PELI2: variants seen among roughly 807,000 people sequenced by gnomAD.
PELI2 encodes the protein E3 ubiquitin-protein ligase pellino homolog 2.
Under a neutral mutation model 42.3 loss-of-function variants are expected in PELI2, and 23 were observed. The ratio of observed to expected loss-of-function variants is 0.54; its 90% confidence interval spans 0.39 to 0.77. The LOEUF is 0.77. Among genes scored for constraint, PELI2 ranks in the 30% least tolerant of loss-of-function variants. The pLI, the probability that PELI2 is intolerant of heterozygous loss-of-function variation, is 0.00. For missense variants in PELI2, 463 were observed against 553.2 expected, an observed-to-expected ratio of 0.84 and a Z score of 1.64; for synonymous variants, 245 against 212.2, an observed-to-expected ratio of 1.15 and a Z score of -1.34.
intron 2 of PELI2, among the ~76,000 whole-genome samples, chr14:56,215,947 A>G (rs1461785239): frequency 1.3e-5 from 2 of 152,376 alleles, no homozygotes; most frequent in African/African-American, 2.4e-5. Context: ...GGTGGAATAT[A>G]TATCACATTT....
chr14:56,277,834 CATTTG>C (rs1439762644), intron 2 of PELI2, among the ~76,000 whole-genome samples: 5 of 152,174 alleles, frequency 3.3e-5, no homozygotes, highest in Non-Finnish European at 7.4e-5. Flanking sequence ...TGAGCAACTC[CATTTG>C]AGGGCTGCTC....
At chr14:56,147,367 T>A (rs1196411391) in intron 1 of PELI2, among the ~76,000 whole-genome samples, 1 of 152,210 alleles carries the variant, frequency 6.6e-6, no homozygotes, top group East Asian at 1.9e-4. Context: ...TTACTGAGTT[T>A]ATTGTATTAC....
chr14:56,176,358 T>G (rs2139664386), intron 1 of PELI2, among the ~76,000 whole-genome samples: 1 of 152,232 alleles, frequency 6.6e-6, no homozygotes, highest in African/African-American at 2.4e-5. Context: ...TTCAAGAGGC[T>G]GAAGAAGAGA....
rs533238425 is a variant in PELI2 at position 56,189,549 on chromosome 14, G to T, written c.207+11085G>T. On this transcript the variant is annotated intron_variant, in intron 2 of 5. Coordinates refer to ENST00000267460, the MANE Select transcript of PELI2 (RefSeq NM_021255.3). ...TGCCTCCAGCTAGTGACTCAGGATG[G>T]GAAACACCTGGAACGCATCATATGC... is the stretch of plus-strand genomic sequence containing the variant. Among the ~76,000 whole-genome samples the T allele has an allele frequency of 3.3e-5, 5 of 152,290 alleles. No individual in the cohort carries two copies. The South Asian group carries it at 1.0e-3, about 32-fold the overall frequency.
intron 2 of PELI2, among the ~76,000 whole-genome samples, chr14:56,185,212 C>T (rs922484136): frequency 1.3e-5 from 2 of 152,026 alleles, no homozygotes; most frequent in Non-Finnish European, 2.9e-5. Context: ...TATTACATTT[C>T]CATTAATTTT....
intron 1 of PELI2, among the ~76,000 whole-genome samples, chr14:56,122,947 C>T (rs1484197717): frequency 2.0e-5 from 3 of 152,078 alleles, no homozygotes; most frequent in Admixed American, 6.5e-5. Context: ...GAGAAGGGCT[C>T]ATTACATGTC....
intron 2 of PELI2, among the ~76,000 whole-genome samples, chr14:56,215,050 C>T (rs974519812): frequency 2.0e-5 from 3 of 152,136 alleles, no homozygotes; most frequent in Non-Finnish European, 2.9e-5. Context: ...GTAATAACTG[C>T]TTTTTTTGCT....
intron 5 of PELI2, among the ~76,000 whole-genome samples, chr14:56,295,523 AAAG>A (rs1462351824): frequency 2.6e-5 from 4 of 152,206 alleles, no homozygotes; most frequent in Non-Finnish European, 5.9e-5. Flanking sequence ...AATCTCTGTT[AAAG>A]AAAAACCTTT....
rs1313090783 is a variant in PELI2 at position 56,298,123 on chromosome 14, A to G, written c.*957A>G. On this transcript the variant is annotated 3_prime_UTR_variant, in exon 6 of 6. Coordinates refer to ENST00000267460, the MANE Select transcript of PELI2 (RefSeq NM_021255.3). ...TTGGGGTTTTTTTTTTTCCTTTGTT[A>G]AGAAAGCCAACCAATCACAATGATA... 7.9e-5 allele frequency: 12 copies of G among 151,916 alleles called. No homozygotes were observed. The highest frequency in any genetic ancestry group is 2.9e-4 in the African/African-American group (12 of 41,234). 9.4% of individuals were successfully genotyped at this position (151,916 alleles called of 1,614,324 possible).
intron 2 of PELI2, among the ~76,000 whole-genome samples, chr14:56,233,621 C>G (rs966353102): frequency 6.6e-6 from 1 of 152,130 alleles, no homozygotes; most frequent in South Asian, 2.1e-4. Context: ...GGATTAAAGA[C>G]TTAAACGTAA....
At chr14:56,184,270 A>G (rs1247725856) in intron 2 of PELI2, among the ~76,000 whole-genome samples, 1 of 152,106 alleles carries the variant, frequency 6.6e-6, no homozygotes, top group East Asian at 1.9e-4. Flanking sequence ...AATTATTAAA[A>G]TGGACAGATT....
At chr14:56,191,956 G>A (rs1885962310) in intron 2 of PELI2, among the ~76,000 whole-genome samples, 1 of 152,122 alleles carries the variant, frequency 6.6e-6, no homozygotes, top group African/African-American at 2.4e-5. Flanking sequence ...CCAGGGTCAA[G>A]TGATTCTTCT....
chr14:56,164,815 A>C (rs562660257), intron 1 of PELI2, among the ~76,000 whole-genome samples: 3 of 152,046 alleles, frequency 2.0e-5, no homozygotes, highest in African/African-American at 7.2e-5. Context: ...TTTCTAATTT[A>C]TTGGCATATA....
chr14:56,217,412 C>T (rs925464217), intron 2 of PELI2, among the ~76,000 whole-genome samples: 25 of 152,218 alleles, frequency 1.6e-4, no homozygotes, highest in African/African-American at 5.5e-4. Context: ...GACCATTAAT[C>T]TCACAGAGGA....
intron 2 of PELI2, among the ~76,000 whole-genome samples, chr14:56,262,942 T>A (rs1306710907): frequency 6.6e-6 from 1 of 152,184 alleles, no homozygotes; most frequent in Non-Finnish European, 1.5e-5. Context: ...ACCTGTTTTA[T>A]CTGGGGGTTG....
At chr14:56,152,986 C>T (rs959524306) in intron 1 of PELI2, among the ~76,000 whole-genome samples, 2 of 152,154 alleles carry the variant, frequency 1.3e-5, no homozygotes, top group Admixed American at 1.3e-4. Flanking sequence ...ACACACCTAC[C>T]TCTGCAGTTC....
chr14:56,263,225 T>G (rs1396687550), intron 2 of PELI2, among the ~76,000 whole-genome samples: 1 of 152,164 alleles, frequency 6.6e-6, no homozygotes, highest in Non-Finnish European at 1.5e-5. Flanking sequence ...CCTCCCAAAG[T>G]GCTGGGATTA....
chr14:56,150,996 T>C (rs181860494), intron 1 of PELI2, among the ~76,000 whole-genome samples: 1 of 152,372 alleles, frequency 6.6e-6, no homozygotes, highest in Admixed American at 6.5e-5. Flanking sequence ...TTTTGTCTTT[T>C]GCATGTTAAG....
At chr14:56,285,341 T>C (rs1889609360) in intron 3 of PELI2, among the ~76,000 whole-genome samples, 1 of 152,090 alleles carries the variant, frequency 6.6e-6, no homozygotes, top group African/African-American at 2.4e-5. Flanking sequence ...CTTGAGCAAA[T>C]TGGATGTCAG....
Sources: gnomAD v4.1 joint callset for allele counts (sites outside exome capture counted in the v4.1 genomes callset) on GRCh38, gnomAD v4.1.1 for gene constraint, MANE v1.5 for transcripts, NCBI Gene and HGNC (gene_info 2026-07-23, HGNC 2026-07-21) for gene names.